Variants in SLC14A2 observed in about 807,000 individuals in gnomAD.
The protein encoded by SLC14A2 is solute carrier family 14 member 2.
Under a neutral mutation model 104.6 loss-of-function variants are expected in SLC14A2, and 91 were observed. That is an observed-to-expected ratio of 0.87 (90% confidence interval 0.73 to 1.04). The LOEUF is 1.04. Among genes scored for constraint, SLC14A2 ranks in the 50% least tolerant of loss-of-function variants. The pLI, the probability that SLC14A2 is intolerant of heterozygous loss-of-function variation, is 0.00. For synonymous variants in SLC14A2, 476 were observed against 466.4 expected, an observed-to-expected ratio of 1.02 and a Z score of -0.27; for missense variants, 1,189 against 1,156.0, an observed-to-expected ratio of 1.03 and a Z score of -0.41.
chr18:45,665,227 G>C (rs1216809798), intron 11 of SLC14A2, among the ~76,000 whole-genome samples: 1 of 152,128 alleles, frequency 6.6e-6, no homozygotes, highest in Non-Finnish European at 1.5e-5. Flanking sequence ...GCAGAACGGG[G>C]GAACAGGCAA....
intron 1 of SLC14A2, among the ~76,000 whole-genome samples, chr18:45,449,660 C>T (rs2086827109): frequency 1.3e-5 from 2 of 152,106 alleles, no homozygotes; most frequent in Non-Finnish European, 2.9e-5. Context: ...AAGGGTGTTT[C>T]CACTTACCAA....
chr18:45,223,578 T>G (rs1309297241), intron 1 of SLC14A2, among the ~76,000 whole-genome samples: 1 of 152,182 alleles, frequency 6.6e-6, no homozygotes, highest in Non-Finnish European at 1.5e-5. Context: ...ATGATGTGTG[T>G]GTTGGTGGGA....
At chr18:45,482,909 T>C (rs117431615) in intron 1 of SLC14A2, among the ~76,000 whole-genome samples, 4,570 of 152,266 alleles carry the variant, frequency 0.03, 86 homozygotes, top group Non-Finnish European at 0.046. Flanking sequence ...TTCATTAATA[T>C]CTTATTCAAT....
At chr18:45,644,216 C>G in intron 10 of SLC14A2, 56 bp downstream of exon 10, 1 of 1,557,436 alleles carries the variant, frequency 6.4e-7, no homozygotes, top group Non-Finnish European at 8.8e-7. Context: ...TGTCCTCTCC[C>G]TGTGTTCTCT....
chr18:45,565,968 T>A (rs1437934498), intron 2 of SLC14A2, among the ~76,000 whole-genome samples: 1 of 152,122 alleles, frequency 6.6e-6, no homozygotes, highest in Non-Finnish European at 1.5e-5. Flanking sequence ...GAGTGTCAGG[T>A]GGGGACATGT....
At chr18:45,557,195 G>T (rs962662984) in intron 2 of SLC14A2, among the ~76,000 whole-genome samples, 1 of 152,220 alleles carries the variant, frequency 6.6e-6, no homozygotes, top group African/African-American at 2.4e-5. Flanking sequence ...ACCAGTCACA[G>T]TTCAATAGAC....
intron 1 of SLC14A2, among the ~76,000 whole-genome samples, chr18:45,475,598 T>G (rs2087345725): frequency 7.4e-6 from 1 of 134,410 alleles, no homozygotes; most frequent in African/African-American, 2.7e-5. Context: ...AGATATATGT[T>G]TAGGTTATAT....
At chr18:45,316,476 G>A (rs1026403280) in intron 1 of SLC14A2, among the ~76,000 whole-genome samples, 1 of 152,198 alleles carries the variant, frequency 6.6e-6, no homozygotes. Context: ...GCATCAGCAT[G>A]TCTGGCATTT....
chr18:45,627,814 A>G (rs1454012875), intron 4 of SLC14A2, among the ~76,000 whole-genome samples: 2 of 152,138 alleles, frequency 1.3e-5, no homozygotes, highest in Non-Finnish European at 2.9e-5. Flanking sequence ...GTTTGAAGCC[A>G]GTCTGGCCAA....
intron 1 of SLC14A2, among the ~76,000 whole-genome samples, chr18:45,386,688 T>C (rs1401028026): frequency 6.6e-6 from 1 of 152,182 alleles, no homozygotes; most frequent in East Asian, 1.9e-4. Flanking sequence ...AACATCATGG[T>C]TGAGAGCATA....
chr18:45,443,258 T>G (rs1289246824), intron 1 of SLC14A2, among the ~76,000 whole-genome samples: 1 of 152,220 alleles, frequency 6.6e-6, no homozygotes, highest in Non-Finnish European at 1.5e-5. Flanking sequence ...TAGTTTTCCA[T>G]GACTTGTGAG....
chr18:45,348,649 G>A (rs2085472755), intron 1 of SLC14A2, among the ~76,000 whole-genome samples: 1 of 152,198 alleles, frequency 6.6e-6, no homozygotes, highest in Admixed American at 6.5e-5. Context: ...ATCATTTGCA[G>A]TTCCAACATG....
At chr18:45,287,894 C>T (rs1429422724) in intron 1 of SLC14A2, among the ~76,000 whole-genome samples, 3 of 152,162 alleles carry the variant, frequency 2.0e-5, no homozygotes, top group Non-Finnish European at 4.4e-5. Context: ...CCAGCCATGG[C>T]CATCCTTGAC....
intron 10 of SLC14A2, among the ~76,000 whole-genome samples, chr18:45,649,593 T>C (rs541731030): frequency 2.3e-4 from 35 of 152,394 alleles, no homozygotes; most frequent in African/African-American, 7.9e-4. Flanking sequence ...TTCCAATTCA[T>C]TTATTACTTG....
intron 1 of SLC14A2, among the ~76,000 whole-genome samples, chr18:45,472,624 C>A (rs144332657): frequency 6.6e-6 from 1 of 151,994 alleles, no homozygotes; most frequent in Non-Finnish European, 1.5e-5. Flanking sequence ...CTCTAATGAC[C>A]GGTGATGATG....
intron 2 of SLC14A2, among the ~76,000 whole-genome samples, chr18:45,532,752 G>A (rs2043715472): frequency 6.6e-6 from 1 of 152,170 alleles, no homozygotes; most frequent in South Asian, 2.1e-4. Context: ...GGAGTGGTGA[G>A]AGAGAGCATC....
chr18:45,272,627 G>A (rs2084662213), intron 1 of SLC14A2, among the ~76,000 whole-genome samples: 1 of 152,004 alleles, frequency 6.6e-6, no homozygotes, highest in Admixed American at 6.6e-5. Flanking sequence ...GGGAGGTTGA[G>A]GGGTAGATGA....
intron 1 of SLC14A2, among the ~76,000 whole-genome samples, chr18:45,284,459 G>A (rs1209243344): frequency 6.6e-6 from 1 of 152,026 alleles, no homozygotes; most frequent in African/African-American, 2.4e-5. Flanking sequence ...CATGCTCTAG[G>A]TCTCTACTCC....
upstream of SLC14A2, among the ~76,000 whole-genome samples, chr18:45,612,654 G>A (rs567003619): frequency 6.6e-6 from 1 of 152,268 alleles, no homozygotes; most frequent in South Asian, 2.1e-4. Context: ...GAGGTTGTGG[G>A]GCTTCCCCAA....
Sources: allele counts gnomAD v4.1 joint callset (sites outside exome capture counted in the v4.1 genomes callset), GRCh38; gene constraint gnomAD v4.1.1; transcripts MANE v1.5; gene names NCBI Gene and HGNC (gene_info 2026-07-23, HGNC 2026-07-21).